Variants in IFT74 observed in about 807,000 individuals in gnomAD.
IFT74 encodes the protein intraflagellar transport protein 74 homolog.
Under a neutral mutation model 96.7 loss-of-function variants are expected in IFT74, and 92 were observed. That is an observed-to-expected ratio of 0.95 (90% CI 0.80 to 1.13). The LOEUF (loss-of-function observed/expected upper bound fraction) is 1.13. Among genes scored for constraint, IFT74 ranks in the 50% most tolerant of loss-of-function variants. The probability of loss-of-function intolerance (pLI) is 0.00; values close to 1 mark genes in which losing one functional copy is unlikely to be tolerated. For missense variants in IFT74, 811 were observed against 698.2 expected (o/e 1.16, Z -1.82); for synonymous variants, 223 against 213.2 (o/e 1.05, Z -0.40).
intron 12 of IFT74, among the ~76,000 whole-genome samples, chr9:27,023,862 C>G (rs777400693): frequency 2.0e-5 from 3 of 152,196 alleles, no homozygotes; most frequent in Non-Finnish European, 4.4e-5. Flanking sequence ...TAACCCTGCC[C>G]CGACCTGATG....
At chr9:26,992,292 T>C in intron 8 of IFT74, among the ~76,000 whole-genome samples, 1 of 152,198 alleles carries the variant, frequency 6.6e-6, no homozygotes, top group South Asian at 2.1e-4. Flanking sequence ...AATATGGTAA[T>C]TTGTCCTGAA....
intron 3 of IFT74, 87 bp from the exon 4 acceptor site, chr9:26,980,484 G>T (rs1050726030): frequency 3.7e-6 from 3 of 805,492 alleles, no homozygotes; most frequent in Admixed American, 3.6e-5. Flanking sequence ...CTTGAGAATT[G>T]TGGAGTGTAA....
At position 26,963,020 on chromosome 9, in the gene IFT74, C is replaced by T. The variant is rs530441704; in HGVS notation, c.120+933C>T. ...ATGTGCACATTGTGCAGGTTAGTTA[C>T]ATATGTATACATGTGCCATGCTGGT... On this transcript the variant is annotated intron_variant, in intron 2 of 19. Coordinates refer to ENST00000380062, the MANE Select transcript of IFT74 (RefSeq NM_025103.4). Among the ~76,000 whole-genome samples the T allele has an allele frequency of 1.7e-4, 26 of 149,906 alleles. 1 individual carries two copies. Among genetic ancestry groups the T allele is most frequent in the Admixed American group, 1.6e-3 (24 of 14,940 alleles).
intron 12 of IFT74, 77 bp downstream of exon 12, chr9:27,018,764 T>C: frequency 1.3e-6 from 1 of 784,656 alleles, no homozygotes. Flanking sequence ...CAGGAGTGGC[T>C]TTCATTCTTT....
intron 18 of IFT74, 103 bp from the exon 19 acceptor site, chr9:27,060,488 A>G: frequency 3.3e-6 from 2 of 597,552 alleles, no homozygotes; most frequent in Non-Finnish European, 5.7e-6. Context: ...GTAAGTTGAT[A>G]AGATTTAAAG....
chr9:27,015,105 C>T (rs535762087), intron 10 of IFT74, among the ~76,000 whole-genome samples: 1 of 152,180 alleles, frequency 6.6e-6, no homozygotes, highest in African/African-American at 2.4e-5. Context: ...ACAATTTTAT[C>T]AAGATGAAAT....
chr9:27,056,547 A>G (rs1383395391), intron 18 of IFT74, 88 bp downstream of exon 18: 1 of 1,179,006 alleles, frequency 8.5e-7, no homozygotes, highest in Non-Finnish European at 1.2e-6. Context: ...AATTTGCTTT[A>G]TATACCTTCT....
intron 8 of IFT74, among the ~76,000 whole-genome samples, chr9:26,999,997 C>T (rs957528089): frequency 6.6e-6 from 1 of 152,038 alleles, no homozygotes; most frequent in Non-Finnish European, 1.5e-5. Context: ...TATCAAACTC[C>T]TGGGTGCGAG....
At chr9:26,948,380 A>C (rs1587209789) in intron 1 of IFT74, among the ~76,000 whole-genome samples, 1 of 150,026 alleles carries the variant, frequency 6.7e-6, no homozygotes, top group African/African-American at 2.5e-5. Context: ...ATTAAAATAT[A>C]ATTATCTTTC....
chr9:27,053,161 C>CTT lies in IFT74; in HGVS notation c.1334-2423_1334-2422dup, dbSNP rs58085385. 2.5e-3 allele frequency among the ~76,000 whole-genome samples: 128 copies of CTT among 50,604 alleles called. 7 individuals carry two copies. Among genetic ancestry groups the CTT allele is most frequent in the African/African-American group, 0.011 (118 of 10,340 alleles). The allele number at this position is 50,604 out of a possible 152,430, so 33.2% of individuals were successfully genotyped here. Reference sequence around the variant, plus strand: ...TACAGGCGTGAGCACCGCGCCTGGCCTTTTTTTTTTTTTTTTTTTTTTTTT... The same window carrying CTT: ...TACAGGCGTGAGCACCGCGCCTGGCCTTTTTTTTTTTTTTTTTTTTTTTTTTT... On this transcript the variant is annotated intron_variant, in intron 16 of 19. Transcript: ENST00000380062.
intron 2 of IFT74, among the ~76,000 whole-genome samples, chr9:26,977,085 A>G (rs1827161850): frequency 6.6e-6 from 1 of 152,224 alleles, no homozygotes; most frequent in South Asian, 2.1e-4. Context: ...CAACTATAAT[A>G]TCATTATCGA....
At chr9:27,021,088 T>C (rs1829577465) in intron 12 of IFT74, among the ~76,000 whole-genome samples, 1 of 152,198 alleles carries the variant, frequency 6.6e-6, no homozygotes, top group African/African-American at 2.4e-5. Flanking sequence ...TAGGTTGCTG[T>C]GAATGCCATT....
intron 2 of IFT74, among the ~76,000 whole-genome samples, chr9:26,970,809 A>G (rs1468127417): frequency 6.6e-6 from 1 of 152,188 alleles, no homozygotes; most frequent in African/African-American, 2.4e-5. Context: ...TCATTAGGGG[A>G]TAAACTGACA....
At chr9:27,029,398 T>C (rs1225603256) in intron 13 of IFT74, among the ~76,000 whole-genome samples, 1 of 152,180 alleles carries the variant, frequency 6.6e-6, no homozygotes, top group Non-Finnish European at 1.5e-5. Flanking sequence ...GATTCCTAAG[T>C]TATACTTCCT....
rs368942683 is a variant in IFT74 at position 26,997,945 on chromosome 9, T to C, written c.587+7750T>C. 4.3e-6 allele frequency: 7 copies of C among 1,613,872 alleles called. No homozygotes were observed. In the African/African-American group the frequency reaches 8.0e-5, roughly 18 times the overall value. On this transcript the variant is annotated intron_variant, in intron 8 of 19. Coordinates refer to ENST00000380062, the MANE Select transcript of IFT74 (RefSeq NM_025103.4). Reference sequence around the variant, plus strand: ...GTTCTATTTTGTTTTGGCAGAGATATAACTGTTTTAGTTTATTTAAGCCTA... The same window carrying C: ...GTTCTATTTTGTTTTGGCAGAGATACAACTGTTTTAGTTTATTTAAGCCTA...
chr9:26,993,414 ATATACT>A (rs1483993577), intron 8 of IFT74: 2 of 152,532 alleles, frequency 1.3e-5, no homozygotes, highest in Admixed American at 6.5e-5. Context: ...ATTAGCCATA[ATATACT>A]TATATCCTTT....
At chr9:27,032,375 C>A (rs1830167543) in intron 13 of IFT74, among the ~76,000 whole-genome samples, 2 of 152,060 alleles carry the variant, frequency 1.3e-5, no homozygotes, top group African/African-American at 4.8e-5. Context: ...GTTCAACGTG[C>A]CATTCATACC....
At chr9:26,959,968 G>T (rs1002872517) in intron 1 of IFT74, among the ~76,000 whole-genome samples, 1 of 152,144 alleles carries the variant, frequency 6.6e-6, no homozygotes, top group Non-Finnish European at 1.5e-5. Flanking sequence ...TTTGCCAGAT[G>T]GGCTGGAGAA....
At chr9:27,005,217 A>G (rs1313668169) in intron 8 of IFT74, among the ~76,000 whole-genome samples, 1 of 151,982 alleles carries the variant, frequency 6.6e-6, no homozygotes, top group Non-Finnish European at 1.5e-5. Context: ...CTGCTTCAAT[A>G]ATCATCAACT....
Sources: gnomAD v4.1 joint callset for allele counts (sites outside exome capture counted in the v4.1 genomes callset) on GRCh38, gnomAD v4.1.1 for gene constraint, MANE v1.5 for transcripts, NCBI Gene and HGNC (gene_info 2026-07-23, HGNC 2026-07-21) for gene names.